Variants in PIGF observed in about 807,000 individuals in gnomAD.
The protein encoded by PIGF is phosphatidylinositol glycan anchor biosynthesis class F, also known as GPI ethanolamine phosphate transferase, stabilizing subunit.
In PIGF, 23 loss-of-function variants were observed where a neutral mutation model predicts 26.0. The observed-to-expected ratio is 0.88, with a 90% CI of 0.64 to 1.25. The LOEUF (loss-of-function observed/expected upper bound fraction) is 1.25. Ranked by LOEUF, PIGF falls within the 50% of genes most tolerant of loss-of-function variation. PIGF has a pLI of 0.00. For missense variants in PIGF, 278 were observed against 249.9 expected (o/e 1.11, Z -0.76); for synonymous variants, 93 against 92.6 (o/e 1.00, Z -0.03).
chr2:46,606,856 T>A (rs1670237700), intron 4 of PIGF, among the ~76,000 whole-genome samples: 1 of 152,216 alleles, frequency 6.6e-6, no homozygotes, highest in African/African-American at 2.4e-5. Context: ...AACCTAGATG[T>A]CCATCAACTG....
chr2:46,592,353 G>T (rs1572770713), intron 5 of PIGF, 122 bp downstream of exon 5: 1 of 639,164 alleles, frequency 1.6e-6, no homozygotes. Context: ...GTGACTGATA[G>T]AAGTGGTATC....
At chr2:46,587,232 C>G (rs1440479003) in intron 5 of PIGF, among the ~76,000 whole-genome samples, 2 of 151,976 alleles carry the variant, frequency 1.3e-5, no homozygotes, top group Admixed American at 6.6e-5. Flanking sequence ...AATGGAAATA[C>G]CAATTAACGT....
chr2:46,603,557 A>G (rs1331403928), intron 4 of PIGF, among the ~76,000 whole-genome samples: 1 of 152,038 alleles, frequency 6.6e-6, no homozygotes, highest in Non-Finnish European at 1.5e-5. Flanking sequence ...AAATCCATAC[A>G]TCTACAGTGA....
At chr2:46,585,016 A>G (rs1669523351) in intron 5 of PIGF, among the ~76,000 whole-genome samples, 1 of 152,192 alleles carries the variant, frequency 6.6e-6, no homozygotes. Flanking sequence ...TTCCTTTAAA[A>G]CTATTTCCTT....
chr2:46,581,647 C>G, intron 5 of PIGF, 56 bp from the exon 6 acceptor site: 1 of 1,571,484 alleles, frequency 6.4e-7, no homozygotes, highest in Non-Finnish European at 8.6e-7. Flanking sequence ...ATTACTTGAG[C>G]ACAAGTGTAA....
intron 4 of PIGF, among the ~76,000 whole-genome samples, chr2:46,607,670 G>A (rs1670267594): frequency 6.6e-6 from 1 of 151,866 alleles, no homozygotes; most frequent in African/African-American, 2.4e-5. Context: ...GATCAGGGTG[G>A]TGGTTGGGGA....
chr2:46,614,856 A>C lies in PIGF; in HGVS notation c.228+81T>G, dbSNP rs1033620529. On this transcript the variant is annotated intron_variant, in intron 2 of 5. Transcript: ENST00000281382. ...TTGCTCACTATAAATAAGCTAATAA[A>C]GACTTGATGAATACTTTATTCTTCC... 5.9e-6 allele frequency: 4 copies of C among 679,744 alleles called. No individual in the cohort carries two copies. In the African/African-American group the frequency reaches 7.2e-5, roughly 12 times the overall value. 42.1% of individuals were successfully genotyped at this position (679,744 alleles called of 1,614,324 possible).
At chr2:46,598,495 C>T (rs971778547) in intron 4 of PIGF, among the ~76,000 whole-genome samples, 7 of 146,438 alleles carry the variant, frequency 4.8e-5, no homozygotes, top group African/African-American at 1.8e-4. Flanking sequence ...TGTGGCCCAA[C>T]ACAAATTCAT....
intron 1 of PIGF, 23 bp from the exon 2 acceptor site, chr2:46,615,208 G>A (rs1442709365): frequency 1.1e-6 from 1 of 943,808 alleles, no homozygotes; most frequent in African/African-American, 1.6e-5. Context: ...AAGAAAAGAA[G>A]AGCATATGCA....
chr2:46,581,014 A>G lies in PIGF; in HGVS notation c.*464T>C, dbSNP rs758830720. On this transcript the variant is annotated 3_prime_UTR_variant, in exon 6 of 6. Coordinates refer to ENST00000281382, the MANE Select transcript of PIGF (RefSeq NM_002643.4). ...TTGATGAGGCTATCATAGCCATTTT[A>G]ACTCCAAAGAAACACACTGTAAAAA... The G allele has an allele frequency of 1.9e-6, 3 of 1,591,554 alleles. No individual in the cohort carries two copies. Among genetic ancestry groups the G allele is most frequent in the South Asian group, 2.3e-5 (2 of 87,568 alleles).
At chr2:46,595,582 G>A (rs1669857474) in intron 4 of PIGF, among the ~76,000 whole-genome samples, 1 of 152,168 alleles carries the variant, frequency 6.6e-6, no homozygotes, top group Non-Finnish European at 1.5e-5. Flanking sequence ...GTTTCTGTGT[G>A]AGCATATGTT....
At chr2:46,613,043 AATAT>A (rs140332220) in intron 3 of PIGF, among the ~76,000 whole-genome samples, 1 of 148,264 alleles carries the variant, frequency 6.7e-6, no homozygotes. Context: ...ACTATGTATA[AATAT>A]ATATATATAT....
chr2:46,603,746 T>G (rs1233588791), intron 4 of PIGF, among the ~76,000 whole-genome samples: 1 of 151,998 alleles, frequency 6.6e-6, no homozygotes, highest in Non-Finnish European at 1.5e-5. Context: ...CCACAAACTA[T>G]GAAACTACTA....
intron 4 of PIGF, among the ~76,000 whole-genome samples, chr2:46,609,810 T>G (rs1670351753): frequency 6.6e-6 from 1 of 152,134 alleles, no homozygotes; most frequent in Non-Finnish European, 1.5e-5. Context: ...TGAGCCATGG[T>G]GCCCCAAAAC....
intron 4 of PIGF, among the ~76,000 whole-genome samples, chr2:46,600,828 C>A (rs966248280): frequency 6.6e-6 from 1 of 152,038 alleles, no homozygotes; most frequent in African/African-American, 2.4e-5. Flanking sequence ...AGATTATACA[C>A]ACACACAGAT....
intron 4 of PIGF, among the ~76,000 whole-genome samples, chr2:46,595,204 C>T (rs1158294759): frequency 1.3e-5 from 2 of 152,164 alleles, no homozygotes; most frequent in African/African-American, 4.8e-5. Flanking sequence ...GCCATCACCA[C>T]TGTAAGTTTT....
At chr2:46,593,134 CTTTT>C (rs71397007) in intron 4 of PIGF, among the ~76,000 whole-genome samples, 2 of 132,304 alleles carry the variant, frequency 1.5e-5, no homozygotes, top group Non-Finnish European at 3.2e-5. Flanking sequence ...ACCAGTCTTT[CTTTT>C]TTTTTTTTTT....
Position 46,588,198 on chromosome 2 carries a change from T to C in PIGF, c.546+4277A>G, listed in dbSNP as rs1300440316. 3 of 1,610,230 alleles carry C rather than the reference T, an allele frequency of 1.9e-6. No individual in the cohort carries two copies. The highest frequency in any genetic ancestry group is 2.5e-6 in the Non-Finnish European group (3 of 1,178,548). The stretch of plus-strand genomic sequence containing the variant: ...CTGTCATCTGAAATGTCAGACAGGA[T>C]TGAAAATTATGTGAAATCCAAATAC... On this transcript the variant is annotated intron_variant, in intron 5 of 5. Transcript: ENST00000281382. This position sits in a 1 kb window ranked among gnomAD's most constrained non-coding sequence, Gnocchi z 4.1.
At chr2:46,616,929 C>A (rs1241339607) in intron 1 of PIGF, 41 bp downstream of exon 1, 3 of 349,014 alleles carry the variant, frequency 8.6e-6, no homozygotes, top group Non-Finnish European at 1.5e-5. Context: ...GTAGCTTGCA[C>A]CTCGTGAGGC....
Sources: gnomAD v4.1 joint callset for allele counts (sites outside exome capture counted in the v4.1 genomes callset) on GRCh38, gnomAD v4.1.1 for gene constraint, Gnocchi (gnomAD v3.1) non-coding constraint, MANE v1.5 for transcripts, NCBI Gene and HGNC (gene_info 2026-07-23, HGNC 2026-07-21) for gene names.